RBFOX1: variants seen among roughly 807,000 people sequenced by gnomAD.
RBFOX1 encodes RNA binding protein fox-1 homolog 1.
RBFOX1 carries 8 observed loss-of-function variants against 57.7 expected under a neutral mutation model. The observed-to-expected ratio is 0.14, with a 90% CI of 0.08 to 0.25. The LOEUF is 0.25. RBFOX1 is among the 10% of genes least tolerant of loss of function. RBFOX1 has a pLI of 1.00. For synonymous variants in RBFOX1, 326 were observed against 222.4 expected (o/e 1.47, Z -4.15); for missense variants, 611 against 548.5 (o/e 1.11, Z -1.14).
intron 1 of RBFOX1, among the ~76,000 whole-genome samples, chr16:5,373,011 T>G (rs1012748704): frequency 6.6e-6 from 1 of 152,218 alleles, no homozygotes; most frequent in African/African-American, 2.4e-5. Context: ...CTCTAAAGTC[T>G]TTCAGAATTT....
chr16:7,421,499 C>T (rs2098542339), intron 4 of RBFOX1, among the ~76,000 whole-genome samples: 1 of 152,182 alleles, frequency 6.6e-6, no homozygotes, highest in African/African-American at 2.4e-5. Flanking sequence ...AGTGACATTT[C>T]CCAGGCACAG....
At chr16:6,877,122 T>C (rs1275684983) in intron 3 of RBFOX1, among the ~76,000 whole-genome samples, 1 of 152,116 alleles carries the variant, frequency 6.6e-6, no homozygotes, top group Non-Finnish European at 1.5e-5. Flanking sequence ...TGAAGAGAAA[T>C]AACACCAAAC....
intron 1 of RBFOX1, among the ~76,000 whole-genome samples, chr16:5,316,833 G>T (rs765207174): frequency 2.6e-5 from 4 of 152,206 alleles, no homozygotes; most frequent in Non-Finnish European, 5.9e-5. Flanking sequence ...GGTGTTGCTG[G>T]AGGAGATTGG....
At chr16:6,349,403 G>GA (rs1312377799) in intron 2 of RBFOX1, among the ~76,000 whole-genome samples, 5 of 152,122 alleles carry the variant, frequency 3.3e-5, no homozygotes, top group Admixed American at 2.0e-4. Flanking sequence ...TAGATTTAAA[G>GA]AAAAAATCAT....
Position 5,982,295 on chromosome 16 carries a change from A to G in RBFOX1, c.351+114960A>G, listed in dbSNP as rs377078996. On this transcript the variant is annotated intron_variant, in intron 4 of 19. Transcript: ENST00000641259. ...AATTTTTTTTTTTCTTTTTTTTGAG[A>G]TGGAGTCTCGCTCTGTTGCACAGGC... Among the ~76,000 whole-genome samples, 36 of 150,646 alleles carry G rather than the reference A, an allele frequency of 2.4e-4. 1 individual carries two copies. In the South Asian group the frequency reaches 7.1e-3, roughly 30 times the overall value.
intron 3 of RBFOX1, among the ~76,000 whole-genome samples, chr16:6,816,035 G>A (rs866623113): frequency 6.6e-6 from 1 of 152,192 alleles, no homozygotes; most frequent in Non-Finnish European, 1.5e-5. Context: ...AATCGGCCAG[G>A]AGCAATGGCT....
chr16:6,970,710 T>C (rs899333235), intron 3 of RBFOX1, among the ~76,000 whole-genome samples: 2 of 152,220 alleles, frequency 1.3e-5, no homozygotes, highest in Admixed American at 6.5e-5. Flanking sequence ...ACTATCATGT[T>C]GGATATTAGA....
At chr16:7,244,417 G>A (rs2094205335) in intron 4 of RBFOX1, among the ~76,000 whole-genome samples, 1 of 152,086 alleles carries the variant, frequency 6.6e-6, no homozygotes, top group African/African-American at 2.4e-5. Context: ...AGCCATTTCA[G>A]CACACATCTT....
chr16:5,675,204 A>T (rs568212393), intron 3 of RBFOX1, among the ~76,000 whole-genome samples: 2 of 152,076 alleles, frequency 1.3e-5, no homozygotes, highest in Admixed American at 1.3e-4. Context: ...CCACATGCAC[A>T]TGCATGTACT....
At chr16:7,447,185 A>C (rs369991861) in intron 4 of RBFOX1, among the ~76,000 whole-genome samples, 1 of 151,772 alleles carries the variant, frequency 6.6e-6, no homozygotes, top group African/African-American at 2.4e-5. Context: ...AAACATTCAC[A>C]CTTTGGGAGG....
intron 3 of RBFOX1, among the ~76,000 whole-genome samples, chr16:5,786,353 A>ATAACGTCCATTCCTCTGCTGC (rs2054500327): frequency 6.6e-6 from 1 of 152,044 alleles, no homozygotes. Flanking sequence ...CTGTCCCTTG[A>ATAACGTCCATTCCTCTGCTGC]TAACGTCCAT....
intron 4 of RBFOX1, among the ~76,000 whole-genome samples, chr16:7,407,485 A>G (rs902850941): frequency 3.9e-5 from 6 of 152,170 alleles, no homozygotes; most frequent in African/African-American, 9.6e-5. Flanking sequence ...TATGATTATC[A>G]TCAATCATAT....
At chr16:6,574,763 G>T (rs1475499850) in intron 2 of RBFOX1, among the ~76,000 whole-genome samples, 2 of 148,472 alleles carry the variant, frequency 1.3e-5, no homozygotes, top group Non-Finnish European at 3.0e-5. Context: ...CACGGGCTGG[G>T]CGTGGTGGCT....
intron 1 of RBFOX1, among the ~76,000 whole-genome samples, chr16:6,230,137 G>A (rs1725331751): frequency 6.6e-6 from 1 of 152,098 alleles, no homozygotes; most frequent in Non-Finnish European, 1.5e-5. Context: ...ATCGCAGAGA[G>A]CAAATAGCTT....
At position 6,019,171 on chromosome 16, in the gene RBFOX1, T is replaced by C; in HGVS notation, c.-948T>C. ...TTTATTTTCTAATCTATATTTTTAC[T>C]GGAAGATTTCCTCTTTATTCTCTCC... is the stretch of plus-strand genomic sequence containing the variant. On this transcript the variant is annotated 5_prime_UTR_variant, in exon 1 of 16. Coordinates refer to ENST00000550418, the MANE Select transcript of RBFOX1 (RefSeq NM_018723.4). This position sits in a 1 kb window ranked among gnomAD's most constrained non-coding sequence, Gnocchi z 4.2. The C allele has an allele frequency of 2.0e-6, 2 of 985,386 alleles. No homozygotes were observed. Among genetic ancestry groups the C allele is most frequent in the South Asian group, 4.7e-5 (1 of 21,260 alleles). 61.0% of individuals were successfully genotyped at this position (985,386 alleles called of 1,614,324 possible).
chr16:6,180,295 C>G (rs747344663), intron 1 of RBFOX1, among the ~76,000 whole-genome samples: 6 of 151,950 alleles, frequency 3.9e-5, no homozygotes, highest in African/African-American at 9.7e-5. Context: ...CTAATTCATT[C>G]TCTTTGCTTG....
At chr16:7,221,470 G>A (rs950682970) in intron 4 of RBFOX1, among the ~76,000 whole-genome samples, 4 of 152,034 alleles carry the variant, frequency 2.6e-5, no homozygotes, top group South Asian at 4.2e-4. Context: ...AGGTTCAGGC[G>A]ATTCTCCTGC....
intron 4 of RBFOX1, among the ~76,000 whole-genome samples, chr16:5,963,368 G>C (rs1466234023): frequency 2.0e-5 from 3 of 152,156 alleles, no homozygotes; most frequent in African/African-American, 7.2e-5. Flanking sequence ...GTTCTGGAGT[G>C]TTATACGCCA....
chr16:6,831,809 C>T (rs1180474200), intron 3 of RBFOX1, among the ~76,000 whole-genome samples: 1 of 152,112 alleles, frequency 6.6e-6, no homozygotes, highest in Non-Finnish European at 1.5e-5. Context: ...GAACAAGACC[C>T]AGCACTTGGG....
Sources: gnomAD v4.1 joint callset for allele counts (sites outside exome capture counted in the v4.1 genomes callset) on GRCh38, gnomAD v4.1.1 for gene constraint, Gnocchi (gnomAD v3.1) non-coding constraint, MANE v1.5 for transcripts, NCBI Gene and HGNC (gene_info 2026-07-23, HGNC 2026-07-21) for gene names.